The following CDAN1 variants were observed in gnomAD, a reference collection of about 807,000 sequenced individuals.
CDAN1 encodes the protein codanin 1.
Under a neutral mutation model 139.8 loss-of-function variants are expected in CDAN1, and 107 were observed. The observed-to-expected ratio is 0.77, with a 90% CI of 0.65 to 0.90. The LOEUF (loss-of-function observed/expected upper bound fraction) is 0.90, where lower values mean the gene tolerates loss of function less well. Among genes scored for constraint, CDAN1 ranks in the 40% least tolerant of loss-of-function variants. The pLI is 0.00. For synonymous variants in CDAN1, 776 were observed against 660.6 expected (o/e 1.17, Z -2.68); for missense variants, 1,667 against 1,575.7 (o/e 1.06, Z -0.98).
At chr15:42,732,237 G>C in intron 10 of CDAN1, 96 bp downstream of exon 10, 1 of 1,169,492 alleles carries the variant, frequency 8.6e-7, no homozygotes, top group Non-Finnish European at 1.3e-6. Context: ...CCCAGGACCT[G>C]CCAGGCTGTC....
Position 42,729,440 on chromosome 15 carries a change from C to G in CDAN1, c.2408-78G>C. On this transcript the variant is annotated intron_variant, in intron 17 of 27. Coordinates refer to ENST00000356231, the MANE Select transcript of CDAN1 (RefSeq NM_138477.4). ...GTATCATGGACTTTACTTGTGGAGTCAAGAGGCTCAGATACCCAGGAATGA... is the reference window on the plus strand; with the variant it reads ...GTATCATGGACTTTACTTGTGGAGTGAAGAGGCTCAGATACCCAGGAATGA... 2.5e-6 allele frequency: 4 copies of G among 1,603,376 alleles called. 1 individual carries two copies. In the South Asian group the frequency reaches 3.3e-5, roughly 13 times the overall value.
chr15:42,724,875 T>C lies in CDAN1; in HGVS notation c.3559-259A>G. On this transcript the variant is annotated intron_variant, in intron 27 of 27. Coordinates refer to ENST00000356231, the MANE Select transcript of CDAN1 (RefSeq NM_138477.4). ...GTGCATCTACTTCATCTTGAAATTA[T>C]TATTCCCGTTAAAATCCAGGTTATT... 1.3e-5 allele frequency: 8 copies of C among 606,662 alleles called. No homozygotes were observed. The South Asian group carries it at 1.6e-4, about 12-fold the overall frequency. The allele number at this position is 606,662 out of a possible 1,614,324, so 37.6% of individuals were successfully genotyped here.
Position 42,736,074 on chromosome 15 carries a change from T to G in CDAN1, c.574A>C (p.Lys192Gln). 2 of 1,614,130 alleles carry G rather than the reference T, an allele frequency of 1.2e-6. No individual in the cohort carries two copies. The highest frequency in any genetic ancestry group is 1.7e-6 in the Non-Finnish European group (2 of 1,180,006). The change falls in exon 3 of 28, where the codon AAG (lysine) becomes CAG (glutamine). Residue 192 changes from lysine to glutamine, a missense_variant. By Grantham distance (53) the Lys-to-Gln change is moderately conservative. Coordinates refer to ENST00000356231, the MANE Select transcript of CDAN1 (RefSeq NM_138477.4). ...GTTGGGTTGATCCTGCGAGAAGGCT[T>G]CGTCCTGCTGAGAGTAGCCACAGGT... ...GSVPPGPTGT[K>Q]PSRRINPTPV...
intron 15 of CDAN1, 76 bp downstream of exon 15, chr15:42,730,052 T>TCACA: frequency 7.1e-7 from 1 of 1,417,260 alleles, no homozygotes; most frequent in African/African-American, 1.4e-5. Flanking sequence ...CTTGCCTCAT[T>TCACA]CGCACTCAGA....
rs1386515446 is a variant in CDAN1, at chr15:42,735,317, G to A, written c.1001C>T (p.Ala334Val). ...GTCCTTGGCAGTCACCATCCTCCGGGCAGTGAGGAGCTGAAAGACGAAGAA... is the reference window on the plus strand; with the variant it reads ...GTCCTTGGCAGTCACCATCCTCCGGACAGTGAGGAGCTGAAAGACGAAGAA... ...ELFFVFQLLT[A>V]RRMVTAKDSD... Residue 334 changes from alanine to valine, a missense_variant, in exon 5 of 28, where the codon GCC becomes GTC. Around this residue, in one of 3 missense-constraint regions of CDAN1, gnomAD observed 244 missense variants for 309.4 expected, o/e 0.79. Coordinates refer to ENST00000356231, the MANE Select transcript of CDAN1 (RefSeq NM_138477.4). 2.5e-6 allele frequency: 4 copies of A among 1,610,322 alleles called. No individual in the cohort carries two copies. The highest frequency in any genetic ancestry group is 3.4e-6 in the Non-Finnish European group (4 of 1,178,226).
intron 8 of CDAN1, 111 bp from the exon 9 acceptor site, chr15:42,733,297 G>A: frequency 2.4e-6 from 2 of 840,746 alleles, no homozygotes; most frequent in Middle Eastern, 2.2e-4. Context: ...TTTTGGAGAT[G>A]GAGTCTTGCT....
intron 10 of CDAN1, 120 bp downstream of exon 10, chr15:42,732,213 T>G: frequency 1.2e-5 from 12 of 969,908 alleles, no homozygotes; most frequent in Non-Finnish European, 1.8e-5. Flanking sequence ...GTAGAACTCT[T>G]GTTCAAATTC....
Position 42,725,721 on chromosome 15 carries a change from G to A in CDAN1, c.3269-51C>T, listed in dbSNP as rs6493062. On this transcript the variant is annotated intron_variant, in intron 25 of 27. Coordinates refer to ENST00000356231, the MANE Select transcript of CDAN1 (RefSeq NM_138477.4). ...TAAAAGATGGGGGCAGGCCGGGTGC[G>A]GTGACTCACACCTATAATCCCAACA... The A allele has an allele frequency of 0.23, 362,792 of 1,585,106 alleles. 51,448 individuals are homozygous for A. The highest frequency in any genetic ancestry group is 0.66 in the African/African-American group (49,265 of 74,212).
At position 42,731,379 on chromosome 15, in the gene CDAN1, A is replaced by G. The variant is rs1412899670; in HGVS notation, c.1740-48T>C. On this transcript the variant is annotated intron_variant, in intron 11 of 27. Transcript: ENST00000356231. ...GCATAAGCACTGGAAGAGGTACAGGAAAAGCCAGAATCGAGAAGGGGCACT... is the reference window on the plus strand; with the variant it reads ...GCATAAGCACTGGAAGAGGTACAGGGAAAGCCAGAATCGAGAAGGGGCACT... The G allele has an allele frequency of 6.2e-6, 10 of 1,610,948 alleles. No homozygotes were observed. The East Asian group carries it at 1.3e-4, about 22-fold the overall frequency.
intron 13 of CDAN1, 37 bp downstream of exon 13, chr15:42,730,888 C>T: frequency 6.2e-7 from 1 of 1,614,062 alleles, no homozygotes; most frequent in Non-Finnish European, 8.5e-7. Context: ...GCCGGTCCTC[C>T]CTGCTCCCTC....
Position 42,726,104 on chromosome 15 carries a change from G to C in CDAN1, c.3261C>G (p.Ser1087=), listed in dbSNP as rs371567068. 1.1e-4 allele frequency: 177 copies of C among 1,614,024 alleles called. 1 individual carries two copies. The highest frequency in any genetic ancestry group is 1.4e-4 in the Non-Finnish European group (168 of 1,179,996). ...HLAKCSVELA[S]LLVADQIPIL... ...GATGGAAAGCAACCATACCGAGGAG[G>C]GAAGCTAACTCCACAGAGCACTTTG... Residue 1087 remains serine (S), a synonymous_variant, in exon 25 of 28, where the codon TCC becomes TCG. Coordinates refer to ENST00000356231, the MANE Select transcript of CDAN1 (RefSeq NM_138477.4).
rs1345457697 is a variant in CDAN1, at chr15:42,725,148, G to A, written c.3554C>T (p.Pro1185Leu). The A allele has an allele frequency of 1.2e-6, 2 of 1,612,408 alleles. No homozygotes were observed. The highest frequency in any genetic ancestry group is 1.7e-6 in the Non-Finnish European group (2 of 1,178,464). Residue 1185 changes from proline to leucine, a missense_variant, in exon 27 of 28, where the codon CCA becomes CTA. Pro to Leu is a moderately conservative substitution (Grantham distance 98). Around this residue, in one of 3 missense-constraint regions of CDAN1, gnomAD observed 936 missense variants for 844.1 expected, o/e 1.11. Coordinates refer to ENST00000356231, the MANE Select transcript of CDAN1 (RefSeq NM_138477.4). ...AAAAGACAGGAGACTCCTTACCCCT[G>A]GCCACTGGGCCTGGTGGAGGCTGCC... ...CLGSLHQAQW[P>L]GDFAEELATL...
intron 3 of CDAN1, 44 bp downstream of exon 3, chr15:42,735,831 C>T (rs2061679891): frequency 6.2e-7 from 1 of 1,608,418 alleles, no homozygotes; most frequent in African/African-American, 1.3e-5. Context: ...TGAAGATCCC[C>T]CACAGCGAGG....
chr15:42,726,749 G>A (rs2061534939), intron 23 of CDAN1: 2 of 389,446 alleles, frequency 5.1e-6, no homozygotes, highest in African/African-American at 2.0e-5. Context: ...AAGGAAACCG[G>A]CCTATCAGAT....
chr15:42,731,603 GAC>G lies in CDAN1; in HGVS notation c.1739+15_1739+16del. 1 of 1,613,038 alleles carries G rather than the reference GAC, an allele frequency of 6.2e-7. No homozygotes were observed. Among genetic ancestry groups the G allele is most frequent in the Non-Finnish European group, 8.5e-7 (1 of 1,179,312 alleles). On this transcript the variant is annotated intron_variant, in intron 11 of 27. Transcript: ENST00000356231. ...CTGGCCTCTGCCCCATTCCTTGCAA[GAC>G]ACAGGGGAGCCTACCTGCTGGCACT...
At position 42,724,410 on chromosome 15, in the gene CDAN1, T is replaced by C. The variant is rs2061495771; in HGVS notation, c.*81A>G. ...AGCTACACCCCAACCAGTGAGGGTC[T>C]GCATTGGGCACTTGGGCCTCCTCGT... On this transcript the variant is annotated 3_prime_UTR_variant, in exon 28 of 28. Coordinates refer to ENST00000356231, the MANE Select transcript of CDAN1 (RefSeq NM_138477.4). 2.6e-6 allele frequency: 4 copies of C among 1,527,654 alleles called. No homozygotes were observed. The highest frequency in any genetic ancestry group is 2.3e-4 in the Middle Eastern group (1 of 4,390). 94.6% of individuals were successfully genotyped at this position (1,527,654 alleles called of 1,614,324 possible).
At chr15:42,730,534 G>A in intron 14 of CDAN1, 64 bp downstream of exon 14, 3 of 1,571,800 alleles carry the variant, frequency 1.9e-6, no homozygotes, top group Non-Finnish European at 2.6e-6. Context: ...TTTATTAATA[G>A]CAGGCTTGAC....
At position 42,736,015 on chromosome 15, in the gene CDAN1, G is replaced by A; in HGVS notation, c.633C>T (p.Pro211=). The A allele has an allele frequency of 6.2e-7, 1 of 1,614,192 alleles. No individual in the cohort carries two copies. The highest frequency in any genetic ancestry group is 8.5e-7 in the Non-Finnish European group (1 of 1,180,030). ...PVSEERSLSK[P]KTCFTSPPIS... ...TTGGGGGTGAGGTGAAGCAGGTCTT[G>A]GGCTTGGAGAGTGACCGCTCTTCGC... Residue 211 remains proline, a synonymous_variant, in exon 3 of 28, where the codon CCC becomes CCT. Transcript: ENST00000356231.
At position 42,736,909 on chromosome 15, in the gene CDAN1, G is replaced by T. The variant is rs146774040; in HGVS notation, c.90+104C>A. The T allele has an allele frequency of 6.3e-4, 934 of 1,471,088 alleles. 6 individuals carry two copies. The African/African-American group carries it at 0.012, about 19-fold the overall frequency. 91.1% of individuals were successfully genotyped at this position (1,471,088 alleles called of 1,614,324 possible). A position where few individuals can be genotyped will look rare whatever the true frequency, so the allele number is the denominator to read the frequency against. ...GCGGCGCCCAGTTGGAGTGCACTCG[G>T]CCCGGCTGGCAGCCAGGCGCCCTAG... On this transcript the variant is annotated intron_variant, in intron 1 of 27. Transcript: ENST00000356231.
Sources: allele counts gnomAD v4.1 joint callset, GRCh38; gene constraint gnomAD v4.1.1; regional missense constraint gnomAD v4.1.1; transcripts MANE v1.5; gene names NCBI Gene and HGNC (gene_info 2026-07-23, HGNC 2026-07-21).